The following C3orf70 variants were observed in gnomAD, a reference collection of about 807,000 sequenced individuals.
C3orf70 encodes chromosome 3 open reading frame 70.
Under a neutral mutation model 20.7 loss-of-function variants are expected in C3orf70, and 15 were observed. The ratio of observed to expected loss-of-function variants is 0.72; its 90% CI spans 0.48 to 1.11. C3orf70 has a LOEUF of 1.11. C3orf70 is among the 50% of genes most tolerant of loss of function. The pLI, the probability that C3orf70 is intolerant of heterozygous loss-of-function variation, is 0.00. For synonymous variants in C3orf70, 161 were observed against 125.7 expected (o/e 1.28, Z -1.88); for missense variants, 332 against 317.6 (o/e 1.05, Z -0.34).
chr3:185,098,769 T>C (rs901465216), intron 1 of C3orf70, among the ~76,000 whole-genome samples: 9 of 152,202 alleles, frequency 5.9e-5, no homozygotes, highest in Admixed American at 1.3e-4. Context: ...CAGTGAAGTC[T>C]GAGTAAGCCA....
intron 1 of C3orf70, among the ~76,000 whole-genome samples, chr3:185,092,012 T>C (rs1715602072): frequency 7.2e-6 from 1 of 139,426 alleles, no homozygotes; most frequent in African/African-American, 2.7e-5. Context: ...TTGGCCAGGC[T>C]GGTCTTGAAC....
intron 1 of C3orf70, among the ~76,000 whole-genome samples, chr3:185,135,247 T>C (rs2108603817): frequency 6.6e-6 from 1 of 151,698 alleles, no homozygotes; most frequent in South Asian, 2.1e-4. Context: ...AATGCTTCAG[T>C]GAGCAACTGC....
chr3:185,128,526 GAA>G (rs779479424), intron 1 of C3orf70, among the ~76,000 whole-genome samples: 2 of 123,530 alleles, frequency 1.6e-5, no homozygotes. Context: ...GACTGTTTCG[GAA>G]AAAAAAAAAA....
chr3:185,121,316 A>T, intron 1 of C3orf70, among the ~76,000 whole-genome samples: 1 of 151,824 alleles, frequency 6.6e-6, no homozygotes, highest in South Asian at 2.1e-4. Context: ...AAAATCTCAC[A>T]AATTACCAAA....
At position 185,077,733 on chromosome 3, in the gene C3orf70, G is replaced by A. The variant is rs1290639714; in HGVS notation, c.*5274C>T. On this transcript the variant is annotated 3_prime_UTR_variant, in exon 2 of 2. Transcript: ENST00000335012. ...GCCAACACTGCCCCACATGACACGT[G>A]TAAGCCGAACAGAAAGGCTGTAACT... 1.4e-5 allele frequency among the ~76,000 whole-genome samples: 2 copies of A among 144,994 alleles called. No homozygotes were observed. Among genetic ancestry groups the A allele is most frequent in the Non-Finnish European group, 3.0e-5 (2 of 66,734 alleles).
intron 1 of C3orf70, among the ~76,000 whole-genome samples, chr3:185,091,400 TG>T (rs1346286965): frequency 8.5e-5 from 13 of 152,102 alleles, no homozygotes; most frequent in Non-Finnish European, 1.6e-4. Context: ...GGTTCAGATT[TG>T]GGTAGCAGTG....
intron 1 of C3orf70, among the ~76,000 whole-genome samples, chr3:185,140,476 G>A (rs1162779645): frequency 6.6e-6 from 1 of 152,162 alleles, no homozygotes; most frequent in Non-Finnish European, 1.5e-5. Flanking sequence ...TTAGGTGAAT[G>A]CAAATTAAAA....
chr3:185,138,355 C>A (rs1370595525), intron 1 of C3orf70, among the ~76,000 whole-genome samples: 1 of 151,516 alleles, frequency 6.6e-6, no homozygotes, highest in African/African-American at 2.4e-5. Flanking sequence ...CAGTTCTGCA[C>A]ATTTTCATCG....
In C3orf70 at chr3:185,080,761, G is replaced by A. The variant is rs1577314727; in HGVS notation, c.*2246C>T. Reference sequence around the variant, plus strand: ...CATCAGATGTCCCTGTGCCACCTGAGCCATGCCCTGGCAGGGGGAAGCTCC... The same window carrying A: ...CATCAGATGTCCCTGTGCCACCTGAACCATGCCCTGGCAGGGGGAAGCTCC... On this transcript the variant is annotated 3_prime_UTR_variant, in exon 2 of 2. Transcript: ENST00000335012. The A allele has an allele frequency of 6.6e-6, 1 of 151,970 alleles. No individual in the cohort carries two copies. The highest frequency in any genetic ancestry group is 6.6e-5 in the Admixed American group (1 of 15,252). The allele number at this position is 151,970 out of a possible 1,614,324, so 9.4% of individuals were successfully genotyped here.
intron 1 of C3orf70, among the ~76,000 whole-genome samples, chr3:185,142,049 T>C (rs1305875955): frequency 2.0e-5 from 3 of 151,944 alleles, no homozygotes; most frequent in African/African-American, 7.3e-5. Flanking sequence ...AAATAAATGT[T>C]GAGATATATG....
Position 185,152,971 on chromosome 3 carries a change from TC to T in C3orf70, c.-149del. 3 of 616,826 alleles carry T rather than the reference TC, an allele frequency of 4.9e-6. No individual in the cohort carries two copies. The highest frequency in any genetic ancestry group is 6.8e-6 in the Non-Finnish European group (3 of 438,306). 38.2% of individuals were successfully genotyped at this position (616,826 alleles called of 1,614,324 possible). On this transcript the variant is annotated 5_prime_UTR_variant, in exon 1 of 2. Transcript: ENST00000335012. ...CGCGGCGGCGGCGGGAGCGCGGCGGTCCCAGGCTCGAGGAGGAGCCGCCCCG... is the reference window on the plus strand; with the variant it reads ...CGCGGCGGCGGCGGGAGCGCGGCGGTCCAGGCTCGAGGAGGAGCCGCCCCG...
intron 1 of C3orf70, among the ~76,000 whole-genome samples, chr3:185,090,951 G>A (rs1561329717): frequency 2.0e-5 from 3 of 152,028 alleles, no homozygotes; most frequent in African/African-American, 4.8e-5. Context: ...TTAGTGTGGC[G>A]GAACATATTG....
At chr3:185,111,041 TTCTTGGCACACATGCAAAAGAA>T (rs1290521793) in intron 1 of C3orf70, among the ~76,000 whole-genome samples, 1 of 152,172 alleles carries the variant, frequency 6.6e-6, no homozygotes, top group Non-Finnish European at 1.5e-5. Flanking sequence ...GACTGAGCTG[TTCTTGGCACACATGCAAAAGAA>T]AGAAAATTAG....
chr3:185,096,986 T>C (rs1307910370), intron 1 of C3orf70, among the ~76,000 whole-genome samples: 1 of 152,164 alleles, frequency 6.6e-6, no homozygotes, highest in African/African-American at 2.4e-5. Flanking sequence ...CTTCCCACTT[T>C]GTCTTTCCTT....
intron 1 of C3orf70, among the ~76,000 whole-genome samples, chr3:185,108,192 A>C (rs1715988383): frequency 1.3e-5 from 2 of 152,230 alleles, no homozygotes; most frequent in Non-Finnish European, 2.9e-5. Context: ...ATTCTCCCTA[A>C]AATAACTAAA....
At chr3:185,106,575 A>T (rs1715946691) in intron 1 of C3orf70, among the ~76,000 whole-genome samples, 1 of 152,256 alleles carries the variant, frequency 6.6e-6, no homozygotes, top group Admixed American at 6.5e-5. Flanking sequence ...AGTTTGATAA[A>T]GATGGGAACC....
At chr3:185,086,916 A>T (rs901872193) in intron 1 of C3orf70, among the ~76,000 whole-genome samples, 4 of 152,212 alleles carry the variant, frequency 2.6e-5, no homozygotes, top group Non-Finnish European at 4.4e-5. Flanking sequence ...AGAAATAATT[A>T]AACTCAAAGA....
Position 185,096,106 on chromosome 3 carries a change from A to G in C3orf70, c.197-12543T>C, listed in dbSNP as rs967655922. Among the ~76,000 whole-genome samples, 10 of 152,114 alleles carry G rather than the reference A, an allele frequency of 6.6e-5. No individual in the cohort carries two copies. The East Asian group carries it at 1.9e-3, about 29-fold the overall frequency. ...TGAGCTATTATTAACATATACATGAATTATAGTTCCCAATGTAATCAAAGA... is the reference window on the plus strand; with the variant it reads ...TGAGCTATTATTAACATATACATGAGTTATAGTTCCCAATGTAATCAAAGA... On this transcript the variant is annotated intron_variant, in intron 1 of 1. Transcript: ENST00000335012.
rs1715372535 is a variant in C3orf70, at chr3:185,082,819, T to C, written c.*188A>G. On this transcript the variant is annotated 3_prime_UTR_variant, in exon 2 of 2. Coordinates refer to ENST00000335012, the MANE Select transcript of C3orf70 (RefSeq NM_001025266.3). ...TCAGGATACAAAAGAAAACTGTTTA[T>C]AATAAAAAGAATGTCTTAGTTGTAA... The C allele has an allele frequency of 1.7e-6, 1 of 597,816 alleles. No individual in the cohort carries two copies. The highest frequency in any genetic ancestry group is 4.5e-4 in the Middle Eastern group (1 of 2,204). 37.0% of individuals were successfully genotyped at this position (597,816 alleles called of 1,614,324 possible).
Sources: gnomAD v4.1 joint callset for allele counts (sites outside exome capture counted in the v4.1 genomes callset) on GRCh38, gnomAD v4.1.1 for gene constraint, MANE v1.5 for transcripts, NCBI Gene and HGNC (gene_info 2026-07-23, HGNC 2026-07-21) for gene names.